Variants in OSBPL6 observed in about 807,000 individuals in gnomAD.
OSBPL6 encodes oxysterol binding protein like 6, also known as oxysterol-binding protein-related protein 6.
A neutral mutation model predicts 125.8 loss-of-function variants in OSBPL6; 49 were observed. The ratio of observed to expected loss-of-function variants is 0.39; its 90% CI spans 0.31 to 0.49. OSBPL6 has a LOEUF of 0.49. Ranked by LOEUF, OSBPL6 falls within the 20% of genes least tolerant of loss-of-function variation. The probability of loss-of-function intolerance (pLI) is 0.88; values close to 1 mark genes in which losing one functional copy is unlikely to be tolerated. For synonymous variants in OSBPL6, 394 were observed against 391.8 expected, an observed-to-expected ratio of 1.01 and a Z score of -0.07; for missense variants, 986 against 1,135.4, an observed-to-expected ratio of 0.87 and a Z score of 1.89.
intron 2 of OSBPL6, among the ~76,000 whole-genome samples, chr2:178,301,894 A>G (rs1686326533): frequency 1.3e-5 from 2 of 152,060 alleles, no homozygotes; most frequent in Non-Finnish European, 2.9e-5. Flanking sequence ...CTAAAAATAA[A>G]CCTTTCTTGT....
At chr2:178,275,317 G>T (rs1210952779) in intron 1 of OSBPL6, among the ~76,000 whole-genome samples, 1 of 152,086 alleles carries the variant, frequency 6.6e-6, no homozygotes, top group Non-Finnish European at 1.5e-5. Flanking sequence ...TTTGAGGTTA[G>T]CCTGGCCAAC....
At chr2:178,384,556 C>G (rs758328952) in intron 18 of OSBPL6, among the ~76,000 whole-genome samples, 1 of 152,176 alleles carries the variant, frequency 6.6e-6, no homozygotes, top group Non-Finnish European at 1.5e-5. Flanking sequence ...TCTTTTGGGT[C>G]TCTGATCAGC....
At position 178,328,296 on chromosome 2, in the gene OSBPL6, G is replaced by C. The variant is rs1403340255; in HGVS notation, c.236G>C (p.Gly79Ala). ...GAAATTATAGAAGGGCTGAAAATAG[G>C]CCAAACCAATGTCCAGAAACCAGAC... Reference protein sequence around the residue: ...SWEIIEGLKIGQTNVQKPDKH... With the variant: ...SWEIIEGLKIAQTNVQKPDKH... The change falls in exon 5 of 25, where the codon GGC (glycine) becomes GCC (alanine). Residue 79 changes from glycine to alanine, a missense_variant. Physicochemically the swap from Gly to Ala is moderately conservative, Grantham distance 60. This residue lies in a region of OSBPL6 where 130 missense variants were observed against 106.4 expected (regional missense o/e 1.22). Transcript: ENST00000190611. The C allele has an allele frequency of 3.1e-6, 5 of 1,613,716 alleles. No homozygotes were observed. Among genetic ancestry groups the C allele is most frequent in the Non-Finnish European group, 3.4e-6 (4 of 1,179,822 alleles).
At chr2:178,355,198 A>C (rs191739193) in intron 12 of OSBPL6, among the ~76,000 whole-genome samples, 4 of 152,118 alleles carry the variant, frequency 2.6e-5, no homozygotes, top group Admixed American at 2.0e-4. Flanking sequence ...AGAGCAAACA[A>C]ATTCAAAAAC....
chr2:178,317,436 CCATATATATATATATATATA>C (rs1687842206), intron 3 of OSBPL6, among the ~76,000 whole-genome samples: 1 of 59,886 alleles, frequency 1.7e-5, no homozygotes, highest in Non-Finnish European at 3.0e-5. Flanking sequence ...AACTTAGACA[CCATATATATATATATATATA>C]TATATATATA....
chr2:178,366,758 A>G (rs1315268894), intron 13 of OSBPL6, among the ~76,000 whole-genome samples: 2 of 152,222 alleles, frequency 1.3e-5, no homozygotes, highest in African/African-American at 4.8e-5. Context: ...TTGCAAGTGT[A>G]TTTGTTTATT....
chr2:178,284,232 T>A (rs925673341), intron 1 of OSBPL6, among the ~76,000 whole-genome samples: 10 of 152,128 alleles, frequency 6.6e-5, no homozygotes, highest in Admixed American at 2.0e-4. Flanking sequence ...GCATGTATGA[T>A]GAAACCACTT....
At chr2:178,246,459 G>T (rs2091494339) in intron 1 of OSBPL6, among the ~76,000 whole-genome samples, 1 of 152,112 alleles carries the variant, frequency 6.6e-6, no homozygotes, top group Non-Finnish European at 1.5e-5. Context: ...GTTGCTTTAT[G>T]GCCTGGTGTG....
chr2:178,243,512 C>T (rs189126926), intron 1 of OSBPL6, among the ~76,000 whole-genome samples: 75 of 152,260 alleles, frequency 4.9e-4, no homozygotes, highest in Non-Finnish European at 6.6e-4. Flanking sequence ...GTGCCTCATT[C>T]CTTCACTGCA....
At chr2:178,262,669 C>T (rs921145422) in intron 1 of OSBPL6, among the ~76,000 whole-genome samples, 2 of 152,026 alleles carry the variant, frequency 1.3e-5, no homozygotes, top group African/African-American at 4.8e-5. Context: ...TAATAGTCTC[C>T]CTCTTTAGGG....
intron 1 of OSBPL6, chr2:178,230,561 G>A (rs1574559178): frequency 6.6e-6 from 1 of 152,188 alleles, no homozygotes; most frequent in Non-Finnish European, 1.5e-5. Flanking sequence ...GAGAACTTGA[G>A]TCACCAAGAT....
chr2:178,290,366 T>A (rs1322149951), intron 2 of OSBPL6, among the ~76,000 whole-genome samples: 1 of 152,086 alleles, frequency 6.6e-6, no homozygotes, highest in Non-Finnish European at 1.5e-5. Flanking sequence ...TTGAGAATCA[T>A]TGTAAATTCA....
intron 24 of OSBPL6, 120 bp downstream of exon 24, chr2:178,394,555 C>A: frequency 1.6e-6 from 2 of 1,284,742 alleles, no homozygotes; most frequent in Non-Finnish European, 2.1e-6. Context: ...TTGCTTTTGG[C>A]AGTGAAAATA....
intron 8 of OSBPL6, among the ~76,000 whole-genome samples, chr2:178,334,346 A>G (rs1206292569): frequency 1.3e-5 from 2 of 152,216 alleles, no homozygotes; most frequent in Non-Finnish European, 2.9e-5. Flanking sequence ...TCATACATAC[A>G]TCCAAGTTTC....
intron 13 of OSBPL6, among the ~76,000 whole-genome samples, chr2:178,363,438 G>A (rs779058749): frequency 1.3e-5 from 2 of 152,166 alleles, no homozygotes; most frequent in Non-Finnish European, 2.9e-5. Flanking sequence ...CAGCAAGCTC[G>A]TGATCTGATT....
At position 178,229,762 on chromosome 2, in the gene OSBPL6, C is replaced by T. The variant is rs1199293307; in HGVS notation, c.-351+35088C>T. Among the ~76,000 whole-genome samples, 4 of 152,164 alleles carry T rather than the reference C, an allele frequency of 2.6e-5. No homozygotes were observed. In the East Asian group the frequency reaches 7.7e-4, roughly 29 times the overall value. On this transcript the variant is annotated intron_variant, in intron 1 of 24. Transcript: ENST00000190611. Reference sequence around the variant, plus strand: ...GGAGAATTGTTTGAGCCCAGGAGGTCCAGGCTGCAGTAAGCCTCATGCTAG... The same window carrying T: ...GGAGAATTGTTTGAGCCCAGGAGGTTCAGGCTGCAGTAAGCCTCATGCTAG...
At chr2:178,316,389 T>C (rs1559236370) in intron 3 of OSBPL6, among the ~76,000 whole-genome samples, 1 of 152,168 alleles carries the variant, frequency 6.6e-6, no homozygotes, top group Non-Finnish European at 1.5e-5. Flanking sequence ...TTTATAGTGG[T>C]AAAAAAATTA....
intron 1 of OSBPL6, among the ~76,000 whole-genome samples, chr2:178,280,277 T>C (rs941908985): frequency 5.3e-5 from 8 of 152,212 alleles, no homozygotes; most frequent in African/African-American, 1.9e-4. Context: ...AAATAATATA[T>C]GTCACCTAGA....
intron 1 of OSBPL6, among the ~76,000 whole-genome samples, chr2:178,195,510 G>GTA (rs747819617): frequency 6.6e-6 from 1 of 152,246 alleles, no homozygotes; most frequent in Non-Finnish European, 1.5e-5. Flanking sequence ...CTTCTGCTGC[G>GTA]TATAGACACA....
Sources: gnomAD v4.1 joint callset for allele counts (sites outside exome capture counted in the v4.1 genomes callset) on GRCh38, gnomAD v4.1.1 for gene constraint, gnomAD v4.1.1 regional missense constraint, MANE v1.5 for transcripts, NCBI Gene and HGNC (gene_info 2026-07-23, HGNC 2026-07-21) for gene names.